Variants in CAB39L observed in about 807,000 individuals in gnomAD.
The protein encoded by CAB39L is calcium-binding protein 39-like.
A neutral mutation model predicts 39.1 loss-of-function variants in CAB39L; 23 were observed. The observed-to-expected ratio is 0.59, with a 90% CI of 0.42 to 0.83. The LOEUF (loss-of-function observed/expected upper bound fraction) is 0.83, where lower values mean the gene tolerates loss of function less well. Among genes scored for constraint, CAB39L ranks in the 40% least tolerant of loss-of-function variants. The probability of loss-of-function intolerance (pLI) is 0.00; values close to 1 mark genes in which losing one functional copy is unlikely to be tolerated. For missense variants in CAB39L, 366 were observed against 391.9 expected (o/e 0.93, Z 0.56); for synonymous variants, 126 against 137.2 (o/e 0.92, Z 0.57).
At chr13:49,397,903 A>T (rs1956676545) in intron 3 of CAB39L, among the ~76,000 whole-genome samples, 1 of 152,122 alleles carries the variant, frequency 6.6e-6, no homozygotes, top group Non-Finnish European at 1.5e-5. Flanking sequence ...TTCAGTTTTC[A>T]TTCTTTCTTG....
At chr13:49,396,097 C>CAAAAA (rs58073071) in intron 3 of CAB39L, among the ~76,000 whole-genome samples, 11 of 123,532 alleles carry the variant, frequency 8.9e-5, no homozygotes, top group Admixed American at 4.9e-4. Context: ...GACTCTGTCT[C>CAAAAA]AAAAAAAAAA....
intron 9 of CAB39L, among the ~76,000 whole-genome samples, chr13:49,336,872 T>C (rs1267550654): frequency 3.3e-5 from 5 of 152,240 alleles, no homozygotes; most frequent in Non-Finnish European, 7.3e-5. Context: ...TTTCTGGACA[T>C]GGGAGAACAC....
At chr13:49,332,801 G>C (rs758032780) in intron 9 of CAB39L, among the ~76,000 whole-genome samples, 1 of 151,768 alleles carries the variant, frequency 6.6e-6, no homozygotes, top group Non-Finnish European at 1.5e-5. Context: ...TAATTCTGGA[G>C]AACAGAATTA....
intron 4 of CAB39L, among the ~76,000 whole-genome samples, chr13:49,377,528 A>G (rs1956108800): frequency 1.2e-5 from 1 of 84,194 alleles, no homozygotes; most frequent in Non-Finnish European, 2.3e-5. Flanking sequence ...CAGCCTGCCC[A>G]GTGCCTGCCA....
chr13:49,314,166 G>T (rs935537386), intron 10 of CAB39L, among the ~76,000 whole-genome samples: 1 of 152,098 alleles, frequency 6.6e-6, no homozygotes, highest in Admixed American at 6.5e-5. Context: ...ACAGGACGTG[G>T]GAGCAACAGT....
chr13:49,434,159 T>C lies in CAB39L; in HGVS notation c.-181A>G, dbSNP rs762075280. Reference sequence around the variant, plus strand: ...CTGATTTGGGGTTCGCATCTTTACGTTCTGAACAGCAACTTAGAACACTTT... The same window carrying C: ...CTGATTTGGGGTTCGCATCTTTACGCTCTGAACAGCAACTTAGAACACTTT... On this transcript the variant is annotated 5_prime_UTR_variant, in exon 2 of 11. Coordinates refer to ENST00000409308, the MANE Select transcript of CAB39L (RefSeq NM_001079670.3). 1 of 457,036 alleles carries C rather than the reference T, an allele frequency of 2.2e-6. No individual in the cohort carries two copies. Among genetic ancestry groups the C allele is most frequent in the Admixed American group, 2.4e-5 (1 of 42,548 alleles). The allele number at this position is 457,036 out of a possible 1,614,324, so 28.3% of individuals were successfully genotyped here.
At chr13:49,382,704 C>A in intron 4 of CAB39L, 96 bp downstream of exon 4, 1 of 767,618 alleles carries the variant, frequency 1.3e-6, no homozygotes, top group Non-Finnish European at 2.3e-6. Context: ...GTGCACATCA[C>A]AGACCATATT....
At chr13:49,407,550 T>C (rs1956906643) in intron 3 of CAB39L, among the ~76,000 whole-genome samples, 1 of 151,846 alleles carries the variant, frequency 6.6e-6, no homozygotes, top group African/African-American at 2.4e-5. Context: ...CCCAAAAAAA[T>C]CAAGACTCTA....
chr13:49,366,932 C>A (rs1484689162), intron 5 of CAB39L, among the ~76,000 whole-genome samples: 1 of 152,012 alleles, frequency 6.6e-6, no homozygotes, highest in East Asian at 1.9e-4. Flanking sequence ...ACAAGAATTG[C>A]TTGAGCCCTG....
chr13:49,322,206 C>G (rs1284590894), intron 10 of CAB39L, among the ~76,000 whole-genome samples: 1 of 152,140 alleles, frequency 6.6e-6, no homozygotes, highest in Non-Finnish European at 1.5e-5. Flanking sequence ...GCCCCTAGAG[C>G]TTTGCCGTAT....
intron 5 of CAB39L, among the ~76,000 whole-genome samples, chr13:49,369,521 T>C (rs1955859322): frequency 6.6e-6 from 1 of 152,032 alleles, no homozygotes; most frequent in Non-Finnish European, 1.5e-5. Flanking sequence ...ATATAAGGAC[T>C]GAAAACTGAT....
chr13:49,348,481 T>G (rs954072636), intron 7 of CAB39L, among the ~76,000 whole-genome samples: 2 of 151,918 alleles, frequency 1.3e-5, no homozygotes, highest in African/African-American at 4.8e-5. Context: ...GGTGGGAGGA[T>G]CACCTGAGCC....
intron 3 of CAB39L, among the ~76,000 whole-genome samples, chr13:49,421,273 G>A (rs944868832): frequency 6.6e-6 from 1 of 152,110 alleles, no homozygotes; most frequent in African/African-American, 2.4e-5. Context: ...AAAACTTAAA[G>A]GCAATAAATA....
rs1385754514 is a variant in CAB39L, at chr13:49,378,152, C to T, written c.112-1021G>A. Among the ~76,000 whole-genome samples, 151 of 80,618 alleles carry T rather than the reference C, an allele frequency of 1.9e-3. 26 individuals carry two copies. The highest frequency in any genetic ancestry group is 3.0e-4 in the Non-Finnish European group (12 of 40,142). The allele number at this position is 80,618 out of a possible 152,430, so 52.9% of individuals were successfully genotyped here. On this transcript the variant is annotated intron_variant, in intron 4 of 10. Transcript: ENST00000409308. ...GTCTGAGAAGTGAGGAGCCCCTCCG[C>T]CCGGCAGCCGCCCCGTCTGAGAAGT...
chr13:49,355,771 A>G (rs1955467794), intron 6 of CAB39L, among the ~76,000 whole-genome samples: 1 of 151,836 alleles, frequency 6.6e-6, no homozygotes, highest in South Asian at 2.1e-4. Flanking sequence ...ATAAATATAT[A>G]TATATATTTA....
intron 5 of CAB39L, among the ~76,000 whole-genome samples, chr13:49,369,398 T>C (rs1005821559): frequency 6.6e-6 from 1 of 152,206 alleles, no homozygotes; most frequent in Non-Finnish European, 1.5e-5. Flanking sequence ...AACAGACTCC[T>C]AATACATGGC....
intron 3 of CAB39L, among the ~76,000 whole-genome samples, chr13:49,388,312 C>A (rs777268482): frequency 6.6e-6 from 1 of 152,102 alleles, no homozygotes; most frequent in South Asian, 2.1e-4. Context: ...CTTGATCATT[C>A]GAACGATTTT....
Position 49,377,432 on chromosome 13 carries a change from C to A in CAB39L, c.112-301G>T, listed in dbSNP as rs569765914. Among the ~76,000 whole-genome samples, 38 of 95,946 alleles carry A rather than the reference C, an allele frequency of 4.0e-4. 10 individuals are homozygous for A. Among genetic ancestry groups the A allele is most frequent in the Admixed American group, 2.7e-3 (30 of 10,942 alleles). The allele number at this position is 95,946 out of a possible 152,430, so 62.9% of individuals were successfully genotyped here. On this transcript the variant is annotated intron_variant, in intron 4 of 10. Coordinates refer to ENST00000409308, the MANE Select transcript of CAB39L (RefSeq NM_001079670.3). ...CTCTCCCTCTGTCTCCCTCTCCCCA[C>A]GGTCTCCCTCTCATGCGGAGCCGAA...
intron 3 of CAB39L, among the ~76,000 whole-genome samples, chr13:49,419,549 G>C (rs557494356): frequency 6.6e-6 from 1 of 152,244 alleles, no homozygotes; most frequent in African/African-American, 2.4e-5. Flanking sequence ...CTGCACTGCA[G>C]CCTGGGCAAC....
Sources: allele counts gnomAD v4.1 joint callset (sites outside exome capture counted in the v4.1 genomes callset), GRCh38; gene constraint gnomAD v4.1.1; transcripts MANE v1.5; gene names NCBI Gene and HGNC (gene_info 2026-07-23, HGNC 2026-07-21).